The following FAM53B variants were observed in gnomAD, a reference collection of about 807,000 sequenced individuals.
The protein encoded by FAM53B is family with sequence similarity 53 member B.
A neutral mutation model predicts 32.7 loss-of-function variants in FAM53B; 12 were observed. That is an observed-to-expected ratio of 0.37 (90% confidence interval 0.24 to 0.59). The LOEUF is 0.59. Among genes scored for constraint, FAM53B ranks in the 20% least tolerant of loss-of-function variants. The probability of loss-of-function intolerance (pLI) is 0.72; values close to 1 mark genes in which losing one functional copy is unlikely to be tolerated. For missense variants in FAM53B, 477 were observed against 577.7 expected, an observed-to-expected ratio of 0.83 and a Z score of 1.79; for synonymous variants, 234 against 228.7, an observed-to-expected ratio of 1.02 and a Z score of -0.21.
chr10:124,642,183 G>C (rs1949480097), intron 4 of FAM53B, among the ~76,000 whole-genome samples: 1 of 152,204 alleles, frequency 6.6e-6, no homozygotes, highest in East Asian at 1.9e-4. Context: ...GGCCACTTCT[G>C]TCTCTCACCC....
Position 124,623,442 on chromosome 10 carries a change from C to G in FAM53B, c.1069G>C (p.Glu357Gln). ...TCGTCGAAGGAAGGGGGAAGAGGCT[C>G]AGGGACCGGGGTCCCAGCGGGGGTC... ...GRTPAGTPVP[E>Q]PLPPSFDDHL... Residue 357 changes from glutamate (E) to glutamine (Q), a missense_variant, in exon 5 of 5, where the codon GAG becomes CAG. By Grantham distance (29) the Glu-to-Gln change is conservative (BLOSUM62 2). Transcript: ENST00000337318. The G allele has an allele frequency of 6.3e-7, 1 of 1,597,042 alleles. No homozygotes were observed. The highest frequency in any genetic ancestry group is 1.1e-5 in the South Asian group (1 of 89,652).
At chr10:124,635,946 T>C (rs1051930201) in intron 4 of FAM53B, among the ~76,000 whole-genome samples, 2 of 152,196 alleles carry the variant, frequency 1.3e-5, no homozygotes, top group African/African-American at 4.8e-5. Context: ...GAAATTCCTA[T>C]TTGCTTATAT....
intron 4 of FAM53B, among the ~76,000 whole-genome samples, chr10:124,664,601 C>A (rs192711807): frequency 3.4e-4 from 52 of 152,326 alleles, no homozygotes; most frequent in Admixed American, 3.3e-3. Context: ...ACTCTCCGGC[C>A]CTCAGCAAGT....
chr10:124,737,227 T>G (rs1275241943), intron 1 of FAM53B, among the ~76,000 whole-genome samples: 1 of 152,158 alleles, frequency 6.6e-6, no homozygotes, highest in Admixed American at 6.5e-5. Flanking sequence ...CTCCCTTCAC[T>G]CGGCCCAAAC....
rs1188717389 is a variant in FAM53B, at chr10:124,733,744, C to G, written c.-175+10269G>C. On this transcript the variant is annotated intron_variant, in intron 1 of 4. Coordinates refer to ENST00000337318, the MANE Select transcript of FAM53B (RefSeq NM_014661.4). The surrounding 1 kb of genome is among the most constrained non-coding windows in gnomAD (Gnocchi z 4.3). The stretch of plus-strand genomic sequence containing the variant: ...TTGATGAAAATTCTCAGAGGCTAGT[C>G]TCATGCTTCTCCAGGAAGGTCACTC... 6.6e-6 allele frequency among the ~76,000 whole-genome samples: 1 copy of G among 152,238 alleles called. No homozygotes were observed. Among genetic ancestry groups the G allele is most frequent in the Non-Finnish European group, 1.5e-5 (1 of 68,040 alleles).
At chr10:124,674,086 A>G (rs1483628878) in intron 4 of FAM53B, among the ~76,000 whole-genome samples, 1 of 152,186 alleles carries the variant, frequency 6.6e-6, no homozygotes, top group Non-Finnish European at 1.5e-5. Flanking sequence ...CCACGTGGCA[A>G]TAAGGCAAAA....
At chr10:124,690,548 T>C (rs1169443191) in intron 3 of FAM53B, among the ~76,000 whole-genome samples, 4 of 152,222 alleles carry the variant, frequency 2.6e-5, no homozygotes, top group Non-Finnish European at 5.9e-5. Flanking sequence ...GAGCCCAACC[T>C]GGGTAAGAAG....
chr10:124,740,226 C>A (rs1950192738), intron 1 of FAM53B, among the ~76,000 whole-genome samples: 1 of 152,140 alleles, frequency 6.6e-6, no homozygotes. Flanking sequence ...GAGGTTAAGA[C>A]AGGCACCACC....
chr10:124,729,367 G>A (rs1950126877), intron 1 of FAM53B, among the ~76,000 whole-genome samples: 1 of 152,206 alleles, frequency 6.6e-6, no homozygotes, highest in Admixed American at 6.5e-5. Context: ...GGCCTTTCAA[G>A]GCTATTCTTT....
intron 4 of FAM53B, among the ~76,000 whole-genome samples, chr10:124,642,667 G>C (rs1329250747): frequency 2.6e-5 from 4 of 152,134 alleles, no homozygotes; most frequent in Admixed American, 6.5e-5. Context: ...ACGTGCAACT[G>C]CCGATCACAG....
At chr10:124,631,342 A>C (rs894796076) in intron 4 of FAM53B, among the ~76,000 whole-genome samples, 3 of 152,160 alleles carry the variant, frequency 2.0e-5, no homozygotes, top group Non-Finnish European at 2.9e-5. Flanking sequence ...GATCTTGGGG[A>C]CAGCCCATCC....
intron 1 of FAM53B, among the ~76,000 whole-genome samples, chr10:124,738,821 A>G (rs890578890): frequency 6.6e-6 from 1 of 152,244 alleles, no homozygotes; most frequent in Non-Finnish European, 1.5e-5. Context: ...AGTTGGAAAC[A>G]CTTTTAAGAA....
chr10:124,709,411 G>A (rs192208590), intron 1 of FAM53B, among the ~76,000 whole-genome samples: 23 of 152,318 alleles, frequency 1.5e-4, no homozygotes, highest in African/African-American at 5.5e-4. Context: ...GCTCAGAGAG[G>A]CAGCAGAAGC....
At chr10:124,679,874 G>A (rs1410319994) in intron 4 of FAM53B, among the ~76,000 whole-genome samples, 3 of 152,214 alleles carry the variant, frequency 2.0e-5, no homozygotes, top group Non-Finnish European at 4.4e-5. Flanking sequence ...TGATGCCAGT[G>A]GTGTTATTCC....
intron 4 of FAM53B, among the ~76,000 whole-genome samples, chr10:124,660,734 T>C (rs528099808): frequency 1.3e-5 from 2 of 152,328 alleles, no homozygotes; most frequent in East Asian, 3.9e-4. Flanking sequence ...TAAGGTCATC[T>C]AGATCAGGTG....
chr10:124,708,228 C>A (rs990590307), intron 1 of FAM53B, among the ~76,000 whole-genome samples: 4 of 152,192 alleles, frequency 2.6e-5, no homozygotes, highest in Admixed American at 2.6e-4. Context: ...TAATTGCACC[C>A]TGGTATTTAC....
chr10:124,706,985 G>A, intron 1 of FAM53B, 98 bp from the exon 2 acceptor site: 4 of 1,129,048 alleles, frequency 3.5e-6, no homozygotes, highest in Non-Finnish European at 4.7e-6. Context: ...CAGGGGACTG[G>A]AACCACCTCT....
intron 4 of FAM53B, among the ~76,000 whole-genome samples, chr10:124,625,093 A>G: frequency 6.6e-6 from 1 of 152,210 alleles, no homozygotes; most frequent in East Asian, 1.9e-4. Context: ...TGATTCTTTC[A>G]AAGGCTGCAG....
intron 1 of FAM53B, among the ~76,000 whole-genome samples, chr10:124,709,640 T>C (rs1290881171): frequency 1.3e-5 from 2 of 152,160 alleles, no homozygotes; most frequent in East Asian, 3.9e-4. Context: ...ACAACCTAGC[T>C]GCCTACAAGC....
Sources: allele counts gnomAD v4.1 joint callset (sites outside exome capture counted in the v4.1 genomes callset), GRCh38; gene constraint gnomAD v4.1.1; non-coding constraint Gnocchi (gnomAD v3.1); transcripts MANE v1.5; gene names NCBI Gene and HGNC (gene_info 2026-07-23, HGNC 2026-07-21).